Variants in CCNDBP1 observed in about 807,000 individuals in gnomAD.
CCNDBP1 encodes the protein cyclin-D1-binding protein 1.
CCNDBP1 carries 45 observed loss-of-function variants against 46.2 expected under a neutral mutation model. The ratio of observed to expected loss-of-function variants is 0.97; its 90% CI spans 0.77 to 1.25. CCNDBP1 has a LOEUF of 1.25. Among genes scored for constraint, CCNDBP1 ranks in the 50% most tolerant of loss-of-function variants. The probability of loss-of-function intolerance (pLI) is 0.00; values close to 1 mark genes in which losing one functional copy is unlikely to be tolerated. For synonymous variants in CCNDBP1, 154 were observed against 163.6 expected (o/e 0.94, Z 0.45); for missense variants, 436 against 442.1 (o/e 0.99, Z 0.12).
rs147991321 is a variant in CCNDBP1 at position 43,192,039 on chromosome 15, G to A, written c.860+364G>A. Reference sequence around the variant, plus strand: ...AAGAAATTTGACATTGAATATAATAGTATTATCTAATATTCAGATTTCCCC... The same window carrying A: ...AAGAAATTTGACATTGAATATAATAATATTATCTAATATTCAGATTTCCCC... On this transcript the variant is annotated intron_variant, in intron 8 of 10. Transcript: ENST00000300213. Among the ~76,000 whole-genome samples the A allele has an allele frequency of 1.8e-3, 267 of 152,154 alleles. 5 individuals are homozygous for A. In the East Asian group the frequency reaches 0.034, roughly 19 times the overall value.
chr15:43,194,486 G>C, intron 10 of CCNDBP1, 25 bp downstream of exon 10: 1 of 1,582,284 alleles, frequency 6.3e-7, no homozygotes, highest in African/African-American at 1.4e-5. Flanking sequence ...TTCTCAGATA[G>C]CTTTTTGTGA....
chr15:43,190,613 C>G (rs1277563982), intron 6 of CCNDBP1, among the ~76,000 whole-genome samples: 2 of 152,136 alleles, frequency 1.3e-5, no homozygotes, highest in African/African-American at 4.8e-5. Flanking sequence ...GTGGCTGTCT[C>G]TTGTTGAACA....
In CCNDBP1 at chr15:43,195,770, C is replaced by T. The variant is rs1045763330; in HGVS notation, c.*929C>T. ...ACAGGTCTCCGCCACCTCTCATGCC[C>T]ATCATCTTCCTTTTGTAGGTGTAAT... On this transcript the variant is annotated 3_prime_UTR_variant, in exon 11 of 11. Coordinates refer to ENST00000300213, the MANE Select transcript of CCNDBP1 (RefSeq NM_012142.5). 2.6e-5 allele frequency: 4 copies of T among 152,286 alleles called. No homozygotes were observed. The highest frequency in any genetic ancestry group is 6.5e-5 in the Admixed American group (1 of 15,296). The allele number at this position is 152,286 out of a possible 1,614,324, so 9.4% of individuals were successfully genotyped here.
intron 8 of CCNDBP1, 135 bp downstream of exon 8, chr15:43,191,810 C>T: frequency 1.1e-6 from 1 of 888,508 alleles, no homozygotes; most frequent in Non-Finnish European, 1.7e-6. Flanking sequence ...AAAGTACCTT[C>T]AGTGAACACC....
At chr15:43,190,837 T>G (rs2041937009) in intron 6 of CCNDBP1, 129 bp from the exon 7 acceptor site, 1 of 681,834 alleles carries the variant, frequency 1.5e-6, no homozygotes, top group East Asian at 2.7e-5. Flanking sequence ...AATTTTTTAT[T>G]AAACCCGCAC....
chr15:43,193,332 CAAAAAAAAAAAAAAAA>C (rs60206861), intron 9 of CCNDBP1: 9 of 39,146 alleles, frequency 2.3e-4, no homozygotes, highest in South Asian at 2.1e-3. Context: ...GACTCTGTCT[CAAAAAAAAAAAAAAAA>C]AAAAAAAAAA....
Position 43,186,212 on chromosome 15 carries a change from G to C in CCNDBP1, c.228G>C (p.Gln76His). Residue 76 changes from glutamine to histidine, a missense_variant, in exon 3 of 11, where the codon CAG becomes CAC. Gln to His is a conservative substitution (Grantham distance 24). Transcript: ENST00000300213. ...EATTLTIVFS[Q>H]LPLPSPQETQ... ...CGACTCTGACCATAGTCTTCTCTCA[G>C]CTTCCACTGCCGTCTCCACAGGTGG... 1 of 1,614,096 alleles carries C rather than the reference G, an allele frequency of 6.2e-7. No individual in the cohort carries two copies. Among genetic ancestry groups the C allele is most frequent in the Non-Finnish European group, 8.5e-7 (1 of 1,179,950 alleles).
At chr15:43,193,332 C>CAAAAAAAAAAAAAAAAAAAAAAA (rs60206861) in intron 9 of CCNDBP1, 1 of 39,130 alleles carries the variant, frequency 2.6e-5, no homozygotes, top group Non-Finnish European at 4.1e-5. Flanking sequence ...GACTCTGTCT[C>CAAAAAAAAAAAAAAAAAAAAAAA]AAAAAAAAAA....
In CCNDBP1 at chr15:43,188,240, C is replaced by G. The variant is rs542141544; in HGVS notation, c.250-959C>G. On this transcript the variant is annotated intron_variant, in intron 3 of 10. Coordinates refer to ENST00000300213, the MANE Select transcript of CCNDBP1 (RefSeq NM_012142.5). ...ATTGAGGACAAGGAAGATGAGAAAG[C>G]CAGTGACCACCTAGAAGGAAAATAG... 2.0e-5 allele frequency among the ~76,000 whole-genome samples: 3 copies of G among 152,010 alleles called. No homozygotes were observed. The South Asian group carries it at 6.3e-4, about 32-fold the overall frequency.
rs1472671237 is a variant in CCNDBP1 at position 43,185,537 on chromosome 15, C to T, written c.39C>T (p.Thr13=). ...CTGCACCTGCAGCCGCAGTCCCCAC[C>T]CTGGCTTCGCCTTTGGAGCAGCTCC... The part of the protein sequence containing the change: ...SATAPAAAVP[T]LASPLEQLRH... The change falls in exon 1 of 11, where the codon ACC becomes ACT. Residue 13 remains threonine (T), a synonymous_variant. Transcript: ENST00000300213. The T allele has an allele frequency of 5.0e-6, 8 of 1,596,274 alleles. No individual in the cohort carries two copies. The highest frequency in any genetic ancestry group is 1.9e-4 in the Middle Eastern group (1 of 5,324).
intron 3 of CCNDBP1, among the ~76,000 whole-genome samples, chr15:43,186,626 A>G (rs1292003828): frequency 6.6e-6 from 1 of 152,224 alleles, no homozygotes; most frequent in Admixed American, 6.5e-5. Context: ...TCTGATGTCT[A>G]AGCTACCTAT....
rs554647909 is a variant in CCNDBP1 at position 43,190,078 on chromosome 15, C to T, written c.355C>T (p.Arg119Trp). The change falls in exon 5 of 11, where the codon CGG becomes TGG. Residue 119 changes from arginine to tryptophan, a missense_variant. By Grantham distance (101) the Arg-to-Trp change is moderately radical (BLOSUM62 -3). Coordinates refer to ENST00000300213, the MANE Select transcript of CCNDBP1 (RefSeq NM_012142.5). ...DQGITLRKLV[R>W]GATLDIVDGM... ...AGGGATCACCCTGAGAAAGCTGGTA[C>T]GGGGCGCCACCCTGGACATCGTGGA... is the stretch of plus-strand genomic sequence containing the variant. The T allele has an allele frequency of 9.3e-6, 15 of 1,613,968 alleles. No homozygotes were observed. Among genetic ancestry groups the T allele is most frequent in the African/African-American group, 6.7e-5 (5 of 74,910 alleles).
Position 43,185,572 on chromosome 15 carries a change from C to A in CCNDBP1, c.74C>A (p.Ala25Glu), listed in dbSNP as rs1245847061. 6.4e-7 allele frequency: 1 copy of A among 1,559,288 alleles called. No homozygotes were observed. Among genetic ancestry groups the A allele is most frequent in the Non-Finnish European group, 8.7e-7 (1 of 1,152,842 alleles). The change falls in exon 1 of 11, where the codon GCG (alanine) becomes GAG (glutamate). Residue 25 changes from alanine (A) to glutamate (E), a missense_variant. Ala to Glu is a moderately radical substitution (Grantham distance 107). Coordinates refer to ENST00000300213, the MANE Select transcript of CCNDBP1 (RefSeq NM_012142.5). The stretch of plus-strand genomic sequence containing the variant: ...CCTTTGGAGCAGCTCCGGCACTTGG[C>A]GGAGGAGCTGCGGTTGCTCCTGCCT... ...ASPLEQLRHL[A>E]EELRLLLPRV...
intron 3 of CCNDBP1, 39 bp from the exon 4 acceptor site, chr15:43,189,160 G>A (rs752244291): frequency 1.8e-5 from 19 of 1,073,454 alleles, no homozygotes; most frequent in Non-Finnish European, 2.4e-5. Flanking sequence ...ACAGCAGAAG[G>A]GTTGACCACT....
In CCNDBP1 at chr15:43,190,412, G is replaced by A. The variant is rs533176636; in HGVS notation, c.502+14G>A. 2 of 1,612,268 alleles carry A rather than the reference G, an allele frequency of 1.2e-6. No homozygotes were observed. The highest frequency in any genetic ancestry group is 1.1e-5 in the South Asian group (1 of 91,004). The stretch of plus-strand genomic sequence containing the variant: ...AGATACCAAGAGGTGAGTGAAAGTG[G>A]GCAGTGGGCCATGTCTGCTGGCCAA... On this transcript the variant is annotated intron_variant, in intron 6 of 10. Transcript: ENST00000300213.
intron 1 of CCNDBP1, 80 bp downstream of exon 1, chr15:43,185,687 G>A: frequency 5.6e-6 from 8 of 1,417,460 alleles, no homozygotes; most frequent in Non-Finnish European, 7.6e-6. Context: ...GTCGGGGAGA[G>A]GCCGGGCTCG....
rs2041928087 is a variant in CCNDBP1, at chr15:43,190,313, T to A, written c.429-12T>A. 1 of 1,613,962 alleles carries A rather than the reference T, an allele frequency of 6.2e-7. No homozygotes were observed. The highest frequency in any genetic ancestry group is 8.5e-7 in the Non-Finnish European group (1 of 1,179,878). ...AGGTTATTAATATATCCTTACTGATTTCTTTCCCCAGCCCTGAGAACAATG... is the reference window on the plus strand; with the variant it reads ...AGGTTATTAATATATCCTTACTGATATCTTTCCCCAGCCCTGAGAACAATG... On this transcript the variant is annotated splice_polypyrimidine_tract_variant and intron_variant, in intron 5 of 10. Coordinates refer to ENST00000300213, the MANE Select transcript of CCNDBP1 (RefSeq NM_012142.5).
chr15:43,186,191 T>C lies in CCNDBP1; in HGVS notation c.207T>C (p.Thr69=), dbSNP rs1434485415. 3 of 1,614,074 alleles carry C rather than the reference T, an allele frequency of 1.9e-6. No individual in the cohort carries two copies. In the East Asian group the frequency reaches 6.7e-5, roughly 36 times the overall value. ...AAVTVSREAT[T]LTIVFSQLPL... ...TGACTGTGTCAAGGGAAGCCACGAC[T>C]CTGACCATAGTCTTCTCTCAGCTTC... Residue 69 remains threonine, a synonymous_variant, in exon 3 of 11, where the codon ACT becomes ACC. Transcript: ENST00000300213.
Position 43,185,891 on chromosome 15 carries a change from T to A in CCNDBP1, c.169+12T>A, listed in dbSNP as rs780600821. On this transcript the variant is annotated intron_variant, in intron 2 of 10. Coordinates refer to ENST00000300213, the MANE Select transcript of CCNDBP1 (RefSeq NM_012142.5). The stretch of plus-strand genomic sequence containing the variant: ...CTGGAGAAGACTCAGTGAGTGCGCC[T>A]CCTTCCGGGCTCCCCTTGCCTCAGT... 4.4e-6 allele frequency: 7 copies of A among 1,608,056 alleles called. No homozygotes were observed. The highest frequency in any genetic ancestry group is 5.9e-6 in the Non-Finnish European group (7 of 1,178,874).
Sources: gnomAD v4.1 joint callset for allele counts (sites outside exome capture counted in the v4.1 genomes callset) on GRCh38, gnomAD v4.1.1 for gene constraint, MANE v1.5 for transcripts, NCBI Gene and HGNC (gene_info 2026-07-23, HGNC 2026-07-21) for gene names.